The following ALK variants were observed in gnomAD, a reference collection of about 807,000 sequenced individuals.
ALK encodes the protein ALK tyrosine kinase receptor.
A neutral mutation model predicts 163.1 loss-of-function variants in ALK; 74 were observed. That is an observed-to-expected ratio of 0.45 (90% CI 0.38 to 0.55). The LOEUF (loss-of-function observed/expected upper bound fraction) is 0.55. ALK is among the 20% of genes least tolerant of loss of function. The pLI, the probability that ALK is intolerant of heterozygous loss-of-function variation, is 0.00. For synonymous variants in ALK, 960 were observed against 843.2 expected (o/e 1.14, Z -2.40); for missense variants, 2,063 against 2,105.3 (o/e 0.98, Z 0.39).
At chr2:29,518,181 T>C (rs982615734) in intron 4 of ALK, among the ~76,000 whole-genome samples, 1 of 152,244 alleles carries the variant, frequency 6.6e-6, no homozygotes, top group South Asian at 2.1e-4. Flanking sequence ...TAAATGTTAA[T>C]GCACACTTAA....
At chr2:29,400,228 G>A (rs766697242) in intron 4 of ALK, among the ~76,000 whole-genome samples, 2 of 152,192 alleles carry the variant, frequency 1.3e-5, no homozygotes, top group African/African-American at 2.4e-5. Context: ...ACTCCTGTCA[G>A]TCTGATATTA....
At chr2:29,563,501 G>A (rs1310161377) in intron 3 of ALK, among the ~76,000 whole-genome samples, 2 of 152,216 alleles carry the variant, frequency 1.3e-5, no homozygotes, top group Non-Finnish European at 2.9e-5. Flanking sequence ...CTTCACCTGA[G>A]ATCAGCCAAA....
In ALK at chr2:29,429,875, C is replaced by T. The variant is rs546206963; in HGVS notation, c.1155-46016G>A. Among the ~76,000 whole-genome samples the T allele has an allele frequency of 1.9e-4, 29 of 152,164 alleles. No homozygotes were observed. The East Asian group carries it at 4.1e-3, about 21-fold the overall frequency. ...AATGTTATGCTGGCATAATGATAGA[C>T]ACACAGATCCATGAAATAGAATTGA... On this transcript the variant is annotated intron_variant, in intron 4 of 28. Transcript: ENST00000389048.
chr2:29,820,739 G>T (rs767743487), intron 1 of ALK, among the ~76,000 whole-genome samples: 16 of 152,182 alleles, frequency 1.1e-4, no homozygotes, highest in Non-Finnish European at 1.9e-4. Context: ...CCACTGACTG[G>T]TTTTGTGACC....
intron 1 of ALK, among the ~76,000 whole-genome samples, chr2:29,862,940 A>C (rs1666331807): frequency 6.6e-6 from 1 of 152,194 alleles, no homozygotes; most frequent in Non-Finnish European, 1.5e-5. Flanking sequence ...GAACAGCAAG[A>C]GAGCCCAGAA....
At chr2:29,377,257 A>T (rs1668774934) in intron 5 of ALK, among the ~76,000 whole-genome samples, 1 of 152,090 alleles carries the variant, frequency 6.6e-6, no homozygotes, top group South Asian at 2.1e-4. Flanking sequence ...TGGGCGGATC[A>T]CGAGGTCAGG....
chr2:29,445,616 T>A (rs60454666), intron 4 of ALK, among the ~76,000 whole-genome samples: 1 of 145,784 alleles, frequency 6.9e-6, no homozygotes, highest in African/African-American at 2.8e-5. Flanking sequence ...AGATCAGGAG[T>A]TTGAGACCAG....
In ALK at chr2:29,887,396, C is replaced by T. The variant is rs140499794; in HGVS notation, c.667+32597G>A. ...AGTCTTAAATGGCGGCTGGCTTCTC[C>T]CAAAGTTAGCATCTCAAGAGAATCA... On this transcript the variant is annotated intron_variant, in intron 1 of 28. Coordinates refer to ENST00000389048, the MANE Select transcript of ALK (RefSeq NM_004304.5). 3.3e-5 allele frequency among the ~76,000 whole-genome samples: 5 copies of T among 152,244 alleles called. No individual in the cohort carries two copies. In the East Asian group the frequency reaches 9.7e-4, roughly 29 times the overall value.
At chr2:29,811,281 C>T (rs1386660928) in intron 1 of ALK, among the ~76,000 whole-genome samples, 1 of 152,010 alleles carries the variant, frequency 6.6e-6, no homozygotes, top group African/African-American at 2.4e-5. Flanking sequence ...CATGAAGTAG[C>T]TTGAGGAGGT....
chr2:29,362,926 A>G (rs1353440467), intron 5 of ALK, among the ~76,000 whole-genome samples: 1 of 152,246 alleles, frequency 6.6e-6, no homozygotes, highest in Non-Finnish European at 1.5e-5. Flanking sequence ...GTTCCCATTT[A>G]CATGGGTTGC....
chr2:29,247,841 G>A (rs1282931697), intron 12 of ALK, among the ~76,000 whole-genome samples: 2 of 152,098 alleles, frequency 1.3e-5, no homozygotes, highest in African/African-American at 2.4e-5. Flanking sequence ...GTTAGGGCTC[G>A]GCTCCCACCT....
chr2:29,551,174 G>A (rs1245099050), intron 3 of ALK, among the ~76,000 whole-genome samples: 1 of 152,072 alleles, frequency 6.6e-6, no homozygotes, highest in Non-Finnish European at 1.5e-5. Context: ...TAAAGAAATG[G>A]AGTTATTTCT....
intron 2 of ALK, among the ~76,000 whole-genome samples, chr2:29,710,074 G>T (rs1679030267): frequency 6.6e-6 from 1 of 152,166 alleles, no homozygotes; most frequent in Non-Finnish European, 1.5e-5. Context: ...TCTTCCGCAT[G>T]TTGTTCTCAT....
Position 29,670,818 on chromosome 2 carries a change from A to G in ALK, c.952+24032T>C, listed in dbSNP as rs73921151. ...ATGAGTTCTTCACTTCAGCAAATGT[A>G]TTTCTCAGTTCTAAGGTTTCCGTTT... is the stretch of plus-strand genomic sequence containing the variant. On this transcript the variant is annotated intron_variant, in intron 3 of 28. Transcript: ENST00000389048. 9.2e-3 allele frequency among the ~76,000 whole-genome samples: 1,394 copies of G among 152,016 alleles called. 31 individuals are homozygous for G. Among genetic ancestry groups the G allele is most frequent in the African/African-American group, 0.03 (1,238 of 41,470 alleles).
chr2:29,408,900 C>G (rs1265221699), intron 4 of ALK, among the ~76,000 whole-genome samples: 1 of 152,198 alleles, frequency 6.6e-6, no homozygotes, highest in Non-Finnish European at 1.5e-5. Flanking sequence ...ACAGAACTTG[C>G]TGATTTTTCC....
chr2:29,809,319 G>A (rs917686233), intron 1 of ALK, among the ~76,000 whole-genome samples: 1 of 152,170 alleles, frequency 6.6e-6, no homozygotes, highest in African/African-American at 2.4e-5. Flanking sequence ...TCCTTGCAAG[G>A]TAGCTGTTAT....
chr2:29,737,490 T>A (rs1036639251), intron 1 of ALK, among the ~76,000 whole-genome samples: 1 of 152,070 alleles, frequency 6.6e-6, no homozygotes. Context: ...CAGTGCAGCA[T>A]GGCAGCTAAG....
intron 23 of ALK, among the ~76,000 whole-genome samples, chr2:29,216,563 C>T (rs1183125225): frequency 6.6e-6 from 1 of 151,554 alleles, no homozygotes; most frequent in Non-Finnish European, 1.5e-5. Context: ...TCAGTGTGCA[C>T]AGGGCAGACA....
At chr2:29,511,941 A>G (rs1672532015) in intron 4 of ALK, among the ~76,000 whole-genome samples, 1 of 152,142 alleles carries the variant, frequency 6.6e-6, no homozygotes, top group South Asian at 2.1e-4. Flanking sequence ...TGCCCACTTA[A>G]TTGGGTGGGT....
Sources: gnomAD v4.1 joint callset for allele counts (sites outside exome capture counted in the v4.1 genomes callset) on GRCh38, gnomAD v4.1.1 for gene constraint, MANE v1.5 for transcripts, NCBI Gene and HGNC (gene_info 2026-07-23, HGNC 2026-07-21) for gene names.